Variants in CSMD1 observed in about 807,000 individuals in gnomAD.
CSMD1 encodes the protein CUB and Sushi multiple domains 1.
CSMD1 carries 213 observed loss-of-function variants against 417.5 expected under a neutral mutation model. The observed-to-expected ratio is 0.51, with a 90% CI of 0.46 to 0.57. The LOEUF is 0.57. Among genes scored for constraint, CSMD1 ranks in the 20% least tolerant of loss-of-function variants. The pLI, the probability that CSMD1 is intolerant of heterozygous loss-of-function variation, is 0.00. For synonymous variants in CSMD1, 2,862 were observed against 1,736.8 expected (o/e 1.65, Z -16.11); for missense variants, 6,923 against 4,529.7 (o/e 1.53, Z -15.17).
intron 2 of CSMD1, among the ~76,000 whole-genome samples, chr8:4,622,498 T>G (rs1025537494): frequency 5.3e-5 from 8 of 152,078 alleles, no homozygotes; most frequent in African/African-American, 1.9e-4. Context: ...CAGAAATTAG[T>G]AAGAATGTCT....
At chr8:3,778,449 A>G (rs1799009391) in intron 5 of CSMD1, among the ~76,000 whole-genome samples, 1 of 152,198 alleles carries the variant, frequency 6.6e-6, no homozygotes, top group Non-Finnish European at 1.5e-5. Context: ...CAGCCATCCC[A>G]AGGTGCCCTC....
chr8:4,799,185 C>A (rs1798146657), intron 1 of CSMD1, among the ~76,000 whole-genome samples: 1 of 151,966 alleles, frequency 6.6e-6, no homozygotes, highest in African/African-American at 2.4e-5. Context: ...GACAGGCACT[C>A]ACAAGGGAAT....
chr8:4,032,597 G>A (rs1036008250), intron 3 of CSMD1, among the ~76,000 whole-genome samples: 1 of 152,102 alleles, frequency 6.6e-6, no homozygotes, highest in Non-Finnish European at 1.5e-5. Context: ...AACATTTGAT[G>A]GATAAGCAAT....
intron 3 of CSMD1, among the ~76,000 whole-genome samples, chr8:4,319,663 C>T (rs752866807): frequency 6.6e-6 from 1 of 151,854 alleles, no homozygotes; most frequent in Non-Finnish European, 1.5e-5. Context: ...GAAAGAGAGG[C>T]CAGGGAACAG....
chr8:4,324,623 C>T (rs1005800788), intron 3 of CSMD1, among the ~76,000 whole-genome samples: 12 of 152,206 alleles, frequency 7.9e-5, no homozygotes, highest in Non-Finnish European at 1.6e-4. Flanking sequence ...TTTATGACCT[C>T]CCATACAGAA....
In CSMD1 at chr8:3,335,701, G is replaced by A. The variant is rs923820488; in HGVS notation, c.3631+7593C>T. On this transcript the variant is annotated intron_variant, in intron 23 of 69. Coordinates refer to ENST00000635120, the MANE Select transcript of CSMD1 (RefSeq NM_033225.6). The stretch of plus-strand genomic sequence containing the variant: ...AAGAAAATAATAATAATAAATAAAG[G>A]TTAATGGTAACAATGGCTTCTGTGT... Among the ~76,000 whole-genome samples, 10 of 152,178 alleles carry A rather than the reference G, an allele frequency of 6.6e-5. 1 individual carries two copies. The highest frequency in any genetic ancestry group is 6.2e-4 in the South Asian group (3 of 4,806).
At chr8:3,282,635 T>C (rs5029003) in intron 26 of CSMD1, among the ~76,000 whole-genome samples, 109,507 of 151,834 alleles carry the variant, frequency 0.72, 40,476 homozygotes, top group Admixed American at 0.82. Flanking sequence ...TTCATATTTT[T>C]TGTGAAGGAC....
chr8:3,661,860 G>C (rs1181152286), intron 7 of CSMD1, among the ~76,000 whole-genome samples: 1 of 152,114 alleles, frequency 6.6e-6, no homozygotes, highest in African/African-American at 2.4e-5. Context: ...CTTTAGATCG[G>C]TGTTGAAGGA....
intron 10 of CSMD1, among the ~76,000 whole-genome samples, chr8:3,542,095 T>A (rs1190194896): frequency 2.0e-5 from 3 of 152,214 alleles, no homozygotes; most frequent in Non-Finnish European, 4.4e-5. Context: ...TGCTCTATAG[T>A]CTTTAAAAAA....
chr8:3,491,535 A>G (rs1233836946), intron 11 of CSMD1, among the ~76,000 whole-genome samples: 2 of 152,210 alleles, frequency 1.3e-5, no homozygotes, highest in Non-Finnish European at 2.9e-5. Flanking sequence ...TATTAGTAAT[A>G]GTTGGAATGG....
intron 5 of CSMD1, among the ~76,000 whole-genome samples, chr8:3,993,475 C>A (rs1015377954): frequency 6.6e-6 from 1 of 152,150 alleles, no homozygotes; most frequent in Non-Finnish European, 1.5e-5. Context: ...TCAGCTTTCC[C>A]CATTTCTCTG....
At chr8:4,582,883 T>A (rs1799490030) in intron 2 of CSMD1, among the ~76,000 whole-genome samples, 1 of 151,982 alleles carries the variant, frequency 6.6e-6, no homozygotes, top group Non-Finnish European at 1.5e-5. Context: ...CCAGCTGGAG[T>A]TCCGGGTGGG....
chr8:4,848,454 G>A (rs923998616), intron 1 of CSMD1, among the ~76,000 whole-genome samples: 1 of 152,168 alleles, frequency 6.6e-6, no homozygotes, highest in Non-Finnish European at 1.5e-5. Flanking sequence ...CATTACTCAT[G>A]GGTTTGTTGT....
chr8:2,976,153 A>G (rs913258130), intron 55 of CSMD1, among the ~76,000 whole-genome samples: 14 of 151,810 alleles, frequency 9.2e-5, no homozygotes, highest in Non-Finnish European at 8.8e-5. Flanking sequence ...AATTAATTGA[A>G]TTGTTGAAGT....
chr8:4,451,914 C>A (rs1212998154), intron 2 of CSMD1, among the ~76,000 whole-genome samples: 1 of 149,874 alleles, frequency 6.7e-6, no homozygotes, highest in East Asian at 2.0e-4. Flanking sequence ...ATGATACCTG[C>A]CCAGAGATGT....
intron 19 of CSMD1, among the ~76,000 whole-genome samples, chr8:3,367,792 G>C (rs1158091195): frequency 6.6e-6 from 1 of 152,074 alleles, no homozygotes; most frequent in African/African-American, 2.4e-5. Context: ...GTACATATTG[G>C]CATAGATATG....
chr8:3,863,395 C>CA (rs35446566), intron 5 of CSMD1, among the ~76,000 whole-genome samples: 8,356 of 90,092 alleles, frequency 0.093, 316 homozygotes, highest in East Asian at 0.11. Context: ...ATACTCTGCT[C>CA]AAAAAAAAAA....
chr8:4,486,405 A>G (rs1031378071), intron 2 of CSMD1, among the ~76,000 whole-genome samples: 15 of 150,986 alleles, frequency 9.9e-5, no homozygotes, highest in Non-Finnish European at 7.4e-5. Flanking sequence ...TCCAGGAATC[A>G]TAACATGATT....
chr8:3,848,242 G>A (rs1236147962), intron 5 of CSMD1, among the ~76,000 whole-genome samples: 1 of 152,116 alleles, frequency 6.6e-6, no homozygotes, highest in Non-Finnish European at 1.5e-5. Context: ...CTTAATACCT[G>A]CAAATCCTCA....
Sources: allele counts gnomAD v4.1 joint callset (sites outside exome capture counted in the v4.1 genomes callset), GRCh38; gene constraint gnomAD v4.1.1; transcripts MANE v1.5; gene names NCBI Gene and HGNC (gene_info 2026-07-23, HGNC 2026-07-21).